Variants in FOXA3 observed in about 807,000 individuals in gnomAD.
FOXA3 encodes forkhead box A3.
In FOXA3, 11 loss-of-function variants were observed where a neutral mutation model predicts 16.9. The ratio of observed to expected loss-of-function variants is 0.65; its 90% CI spans 0.41 to 1.08. FOXA3 has a LOEUF of 1.08. FOXA3 is among the 50% of genes least tolerant of loss of function. The pLI is 0.00. For missense variants in FOXA3, 423 were observed against 470.1 expected (o/e 0.90, Z 0.93); for synonymous variants, 217 against 203.3 (o/e 1.07, Z -0.57).
chr19:45,872,390 G>T lies in FOXA3; in HGVS notation c.385G>T (p.Ala129Ser). 6.2e-7 allele frequency: 1 copy of T among 1,614,222 alleles called. No homozygotes were observed. The highest frequency in any genetic ancestry group is 8.5e-7 in the Non-Finnish European group (1 of 1,180,040). Reference protein sequence around the residue: ...PYSYISLITMAIQQAPGKMLT... With the variant: ...PYSYISLITMSIQQAPGKMLT... ...TTCCTATATCTCACTCATCACCATGGCCATCCAGCAGGCGCCGGGCAAGAT... is the reference window on the plus strand; with the variant it reads ...TTCCTATATCTCACTCATCACCATGTCCATCCAGCAGGCGCCGGGCAAGAT... Residue 129 changes from alanine (A) to serine (S), a missense_variant, in exon 2 of 2, where the codon GCC (alanine) becomes TCC (serine). Coordinates refer to ENST00000302177, the MANE Select transcript of FOXA3 (RefSeq NM_004497.3). The surrounding 1 kb of genome is among the most constrained non-coding windows in gnomAD (Gnocchi z 4.5).
chr19:45,865,239 C>T (rs1972073123), intron 1 of FOXA3, among the ~76,000 whole-genome samples: 1 of 152,072 alleles, frequency 6.6e-6, no homozygotes, highest in Admixed American at 6.5e-5. Flanking sequence ...CGCAGGGACT[C>T]CCCAAGTCGG....
At chr19:45,868,577 TAAAAA>T (rs34586958) in intron 1 of FOXA3, among the ~76,000 whole-genome samples, 11 of 116,608 alleles carry the variant, frequency 9.4e-5, no homozygotes, top group Non-Finnish European at 1.8e-4. Context: ...GAGACTCTCT[TAAAAA>T]AAAAAAAAAA....
chr19:45,870,309 A>G (rs1966893352), intron 1 of FOXA3, among the ~76,000 whole-genome samples: 1 of 151,382 alleles, frequency 6.6e-6, no homozygotes, highest in South Asian at 2.1e-4. Context: ...AGCTGGGACT[A>G]CAGGCGTTCG....
At chr19:45,870,276 TCTC>T (rs2146361872) in intron 1 of FOXA3, among the ~76,000 whole-genome samples, 1 of 148,902 alleles carries the variant, frequency 6.7e-6, no homozygotes, top group Admixed American at 6.7e-5. Context: ...TTCACGCCAT[TCTC>T]CTGCCTCAGC....
intron 1 of FOXA3, among the ~76,000 whole-genome samples, chr19:45,870,617 G>C (rs1966896075): frequency 7.0e-6 from 1 of 143,056 alleles, no homozygotes; most frequent in Non-Finnish European, 1.5e-5. Flanking sequence ...GTCCTGGCTG[G>C]AGTGTGCAGT....
chr19:45,873,276 G>C lies in FOXA3; in HGVS notation c.*218G>C. 1 of 657,038 alleles carries C rather than the reference G, an allele frequency of 1.5e-6. No homozygotes were observed. The highest frequency in any genetic ancestry group is 2.8e-5 in the East Asian group (1 of 35,812). The allele number at this position is 657,038 out of a possible 1,614,324, so 40.7% of individuals were successfully genotyped here. ...ATTTTGGTGGCCCACTGGGTACTGTGAGGACTGCTACATTGATGGATGTTA... is the reference window on the plus strand; with the variant it reads ...ATTTTGGTGGCCCACTGGGTACTGTCAGGACTGCTACATTGATGGATGTTA... On this transcript the variant is annotated 3_prime_UTR_variant, in exon 2 of 2. Transcript: ENST00000302177.
chr19:45,866,960 C>T (rs531099745), intron 1 of FOXA3, among the ~76,000 whole-genome samples: 3 of 152,218 alleles, frequency 2.0e-5, no homozygotes, highest in Middle Eastern at 3.4e-3. Flanking sequence ...TGTGGGGGTG[C>T]GGGTCCCCCA....
chr19:45,870,133 A>G (rs1215129070), intron 1 of FOXA3, among the ~76,000 whole-genome samples: 2 of 148,818 alleles, frequency 1.3e-5, no homozygotes, highest in Admixed American at 6.7e-5. Flanking sequence ...AGCTACACAT[A>G]TATGTTAGAT....
rs1009508563 is a variant in FOXA3, at chr19:45,864,490, C to G, written c.34C>G (p.Leu12Val). Reference protein sequence around the residue: ...LGSVKMEAHDLAEWSYYPEAG... With the variant: ...LGSVKMEAHDVAEWSYYPEAG... ...CTCAGTGAAGATGGAGGCCCATGAC[C>G]TGGCCGAGTGGAGCTACTACCCGGA... The change falls in exon 1 of 2, where the codon CTG becomes GTG. Residue 12 changes from leucine to valine, a missense_variant. Around this residue, in one of 3 missense-constraint regions of FOXA3, gnomAD observed 170 missense variants for 153.9 expected, o/e 1.10. Coordinates refer to ENST00000302177, the MANE Select transcript of FOXA3 (RefSeq NM_004497.3). 1 of 1,546,360 alleles carries G rather than the reference C, an allele frequency of 6.5e-7. No homozygotes were observed. The highest frequency in any genetic ancestry group is 1.4e-5 in the African/African-American group (1 of 72,516).
At position 45,872,419 on chromosome 19, in the gene FOXA3, G is replaced by A. The variant is rs1386891040; in HGVS notation, c.414G>A (p.Leu138=). The stretch of plus-strand genomic sequence containing the variant: ...TCCAGCAGGCGCCGGGCAAGATGCT[G>A]ACCTTGAGTGAAATCTACCAGTGGA... ...MAIQQAPGKM[L]TLSEIYQWIM... The change falls in exon 2 of 2, where the codon CTG becomes CTA. Residue 138 remains leucine (L), a synonymous_variant. Coordinates refer to ENST00000302177, the MANE Select transcript of FOXA3 (RefSeq NM_004497.3). The surrounding 1 kb of genome is among the most constrained non-coding windows in gnomAD (Gnocchi z 4.5). 1.9e-6 allele frequency: 3 copies of A among 1,614,228 alleles called. No individual in the cohort carries two copies. The highest frequency in any genetic ancestry group is 1.7e-6 in the Non-Finnish European group (2 of 1,180,032).
rs749657388 is a variant in FOXA3, at chr19:45,872,721, C to T, written c.716C>T (p.Ser239Leu). 279 of 1,603,480 alleles carry T rather than the reference C, an allele frequency of 1.7e-4. No homozygotes were observed. Among genetic ancestry groups the T allele is most frequent in the Non-Finnish European group, 2.3e-4 (265 of 1,175,584 alleles). Residue 239 changes from serine (S) to leucine (L), a missense_variant, in exon 2 of 2, where the codon TCG (serine) becomes TTG (leucine). Ser to Leu is a moderately radical substitution (Grantham distance 145). Coordinates refer to ENST00000302177, the MANE Select transcript of FOXA3 (RefSeq NM_004497.3). This position sits in a 1 kb window ranked among gnomAD's most constrained non-coding sequence, Gnocchi z 4.5. ...AGGAACGGGACAGGGTCTGCTGCCT[C>T]GACCACCACCCCCGCGGCCACAGTC... The part of the protein sequence containing the change: ...TTRNGTGSAA[S>L]TTTPAATVTS...
intron 1 of FOXA3, among the ~76,000 whole-genome samples, chr19:45,871,734 G>GA (rs141760159): frequency 7.3e-4 from 109 of 149,066 alleles, no homozygotes; most frequent in African/African-American, 2.4e-3. Flanking sequence ...ACTCTGCCTC[G>GA]AAAAAAAAAA....
Position 45,873,400 on chromosome 19 carries a change from A to C in FOXA3, c.*342A>C. 2.8e-6 allele frequency: 1 copy of C among 353,410 alleles called. No individual in the cohort carries two copies. Among genetic ancestry groups the C allele is most frequent in the South Asian group, 3.0e-5 (1 of 33,606 alleles). 21.9% of individuals were successfully genotyped at this position (353,410 alleles called of 1,614,324 possible). A position where few individuals can be genotyped will look rare whatever the true frequency, so the allele number is the denominator to read the frequency against. On this transcript the variant is annotated 3_prime_UTR_variant, in exon 2 of 2. Coordinates refer to ENST00000302177, the MANE Select transcript of FOXA3 (RefSeq NM_004497.3). ...AGTGACATCTTCTTTGGCCCCCCCC[A>C]TTAGGTGCTGTGCCCACTTCTTTTT...
At chr19:45,871,724 ACT>A (rs1369332410) in intron 1 of FOXA3, among the ~76,000 whole-genome samples, 1 of 151,404 alleles carries the variant, frequency 6.6e-6, no homozygotes, top group Admixed American at 6.6e-5. Flanking sequence ...ACAGAGCAAG[ACT>A]CTGCCTCGAA....
rs1199828806 is a variant in FOXA3, at chr19:45,864,507, C to T, written c.51C>T (p.Tyr17=). 6.4e-7 allele frequency: 1 copy of T among 1,551,768 alleles called. No homozygotes were observed. The highest frequency in any genetic ancestry group is 1.9e-5 in the Admixed American group (1 of 52,680). ...CCCATGACCTGGCCGAGTGGAGCTACTACCCGGAGGCGGGCGAGGTGTGTC... is the reference window on the plus strand; with the variant it reads ...CCCATGACCTGGCCGAGTGGAGCTATTACCCGGAGGCGGGCGAGGTGTGTC... ...MEAHDLAEWS[Y]YPEAGEVYSP... Residue 17 remains tyrosine (Y), a synonymous_variant, in exon 1 of 2, where the codon TAC becomes TAT. Transcript: ENST00000302177.
chr19:45,870,646 C>T (rs1407755029), intron 1 of FOXA3, among the ~76,000 whole-genome samples: 2 of 150,694 alleles, frequency 1.3e-5, no homozygotes, highest in Non-Finnish European at 3.0e-5. Flanking sequence ...CTCAGCTCAC[C>T]GCAGCCTCAG....
chr19:45,864,965 A>G (rs1219517499), intron 1 of FOXA3, among the ~76,000 whole-genome samples: 2 of 151,958 alleles, frequency 1.3e-5, no homozygotes, highest in Non-Finnish European at 2.9e-5. Context: ...TAAGGGGAAG[A>G]CTGAGGTGGG....
intron 1 of FOXA3, among the ~76,000 whole-genome samples, chr19:45,866,018 C>G (rs568811254): frequency 5.3e-5 from 8 of 152,188 alleles, no homozygotes; most frequent in African/African-American, 1.9e-4. Context: ...GGGGGCACAT[C>G]TTAAGTAAAT....
intron 1 of FOXA3, among the ~76,000 whole-genome samples, chr19:45,871,215 ATT>A (rs1420929615): frequency 1.3e-5 from 2 of 152,176 alleles, no homozygotes; most frequent in Non-Finnish European, 2.9e-5. Context: ...AATAGCAATC[ATT>A]TGTTAGTGTA....
Sources: allele counts gnomAD v4.1 joint callset (sites outside exome capture counted in the v4.1 genomes callset), GRCh38; gene constraint gnomAD v4.1.1; regional missense constraint gnomAD v4.1.1; non-coding constraint Gnocchi (gnomAD v3.1); transcripts MANE v1.5; gene names NCBI Gene and HGNC (gene_info 2026-07-23, HGNC 2026-07-21).